TBC1D14: variants seen among roughly 807,000 people sequenced by gnomAD.
TBC1D14 encodes TBC1 domain family, member 14.
In TBC1D14, 26 loss-of-function variants were observed where a neutral mutation model predicts 79.0. That is an observed-to-expected ratio of 0.33 (90% CI 0.24 to 0.46). The LOEUF (loss-of-function observed/expected upper bound fraction) is 0.46. Ranked by LOEUF, TBC1D14 falls within the 20% of genes least tolerant of loss-of-function variation. The pLI, the probability that TBC1D14 is intolerant of heterozygous loss-of-function variation, is 1.00. For missense variants in TBC1D14, 769 were observed against 887.6 expected (o/e 0.87, Z 1.70); for synonymous variants, 394 against 349.9 (o/e 1.13, Z -1.40).
At chr4:6,911,771 C>G (rs1445838882) in intron 1 of TBC1D14, among the ~76,000 whole-genome samples, 1 of 152,214 alleles carries the variant, frequency 6.6e-6, no homozygotes, top group African/African-American at 2.4e-5. Context: ...TTGAATCTCT[C>G]TCTCCCGTTG....
chr4:6,945,198 G>A (rs930144395), intron 2 of TBC1D14, among the ~76,000 whole-genome samples: 4 of 152,148 alleles, frequency 2.6e-5, no homozygotes, highest in Non-Finnish European at 4.4e-5. Flanking sequence ...GAAATGGCCT[G>A]TATTTGCTGG....
chr4:6,988,885 CTTTTTTTTTTT>C (rs34268749), intron 3 of TBC1D14, among the ~76,000 whole-genome samples: 85 of 76,828 alleles, frequency 1.1e-3, no homozygotes, highest in African/African-American at 4.4e-3. Flanking sequence ...TTCTTTCTTT[CTTTTTTTTTTT>C]TTTTTTTTTT....
intron 3 of TBC1D14, among the ~76,000 whole-genome samples, chr4:6,992,627 G>C (rs1156504992): frequency 2.6e-5 from 4 of 152,224 alleles, no homozygotes; most frequent in African/African-American, 9.6e-5. Context: ...CATGGGGTAT[G>C]TGTTACTAAT....
chr4:6,954,351 T>C, intron 2 of TBC1D14: 1 of 715,192 alleles, frequency 1.4e-6, no homozygotes, highest in South Asian at 1.5e-5. Context: ...TTGTGGCTGC[T>C]TTCTTGCCTT....
intron 1 of TBC1D14, 99 bp from the exon 2 acceptor site, chr4:6,923,274 C>T (rs1724009362): frequency 7.4e-7 from 1 of 1,358,350 alleles, no homozygotes; most frequent in Non-Finnish European, 9.9e-7. Flanking sequence ...TCAAGGCTTT[C>T]TCCCTTAAGT....
intron 2 of TBC1D14, 84 bp downstream of exon 2, chr4:6,924,195 T>G: frequency 6.7e-7 from 1 of 1,481,764 alleles, no homozygotes. Flanking sequence ...GTGTTGTGTG[T>G]TCTCTGTGGT....
At position 7,032,390 on chromosome 4, in the gene TBC1D14, G is replaced by A. The variant is rs775961452; in HGVS notation, c.*1998G>A. The A allele has an allele frequency of 6.5e-6, 1 of 152,678 alleles. No homozygotes were observed. The highest frequency in any genetic ancestry group is 1.5e-5 in the Non-Finnish European group (1 of 68,042). 9.5% of individuals were successfully genotyped at this position (152,678 alleles called of 1,614,324 possible). A position where few individuals can be genotyped will look rare whatever the true frequency, so the allele number is the denominator to read the frequency against. ...GTCGTACAGAAGGTGGCGCGGCAAAGGGCCTCGTGCAGTGTGTTCAGATTG... is the reference window on the plus strand; with the variant it reads ...GTCGTACAGAAGGTGGCGCGGCAAAAGGCCTCGTGCAGTGTGTTCAGATTG... On this transcript the variant is annotated 3_prime_UTR_variant, in exon 14 of 14. Transcript: ENST00000409757.
intron 1 of TBC1D14, among the ~76,000 whole-genome samples, chr4:6,921,518 C>CT (rs1484246298): frequency 1.3e-5 from 2 of 151,818 alleles, no homozygotes; most frequent in Non-Finnish European, 2.9e-5. Context: ...GGCCAGAGAA[C>CT]TTTATTTTTT....
chr4:7,004,997 A>C lies in TBC1D14; in HGVS notation c.1351+73A>C, dbSNP rs1720033099. 8.0e-6 allele frequency: 11 copies of C among 1,373,036 alleles called. No homozygotes were observed. The South Asian group carries it at 1.3e-4, about 16-fold the overall frequency. The allele number at this position is 1,373,036 out of a possible 1,614,324, so 85.1% of individuals were successfully genotyped here. A position where few individuals can be genotyped will look rare whatever the true frequency, so the allele number is the denominator to read the frequency against. On this transcript the variant is annotated intron_variant, in intron 8 of 13. Coordinates refer to ENST00000409757, the MANE Select transcript of TBC1D14 (RefSeq NM_020773.3). ...GTCATTCTTTATTACATAGTGAAGA[A>C]AGTTGACGTTAACTACAGTAGAGAT...
intron 3 of TBC1D14, among the ~76,000 whole-genome samples, chr4:6,981,511 G>A (rs1717370428): frequency 6.6e-6 from 1 of 152,158 alleles, no homozygotes; most frequent in South Asian, 2.1e-4. Flanking sequence ...GACGGAGTAC[G>A]TACTTCCTCA....
chr4:6,923,447 G>A lies in TBC1D14; in HGVS notation c.58G>A (p.Asp20Asn). The A allele has an allele frequency of 6.2e-7, 1 of 1,614,114 alleles. No individual in the cohort carries two copies. Among genetic ancestry groups the A allele is most frequent in the Non-Finnish European group, 8.5e-7 (1 of 1,180,026 alleles). Reference sequence around the variant, plus strand: ...TGGCGTAGCCTTCATGGGTATTCTGGATGGTCGACCAGGAAACCCCCTTCA... The same window carrying A: ...TGGCGTAGCCTTCATGGGTATTCTGAATGGTCGACCAGGAAACCCCCTTCA... ...TNGVAFMGIL[D>N]GRPGNPLQNL... Residue 20 changes from aspartate to asparagine, a missense_variant, in exon 2 of 14, where the codon GAT becomes AAT. By Grantham distance (23) the Asp-to-Asn change is conservative. Transcript: ENST00000409757.
chr4:6,986,757 G>T (rs1362416037), intron 3 of TBC1D14, among the ~76,000 whole-genome samples: 1 of 152,226 alleles, frequency 6.6e-6, no homozygotes, highest in Admixed American at 6.5e-5. Flanking sequence ...CATCTGAAGG[G>T]CGCTGTCCCG....
intron 12 of TBC1D14, among the ~76,000 whole-genome samples, chr4:7,015,273 C>G (rs1436367753): frequency 6.6e-6 from 1 of 151,842 alleles, no homozygotes. Context: ...AACAGAGAGA[C>G]CAATTAAGGG....
At position 7,011,959 on chromosome 4, in the gene TBC1D14, G is replaced by A. The variant is rs369711757; in HGVS notation, c.1647+1178G>A. On this transcript the variant is annotated intron_variant, in intron 11 of 13. Transcript: ENST00000409757. ...AGTATTTCTTCCTTGATATCTTAAGGTTTACTGAGTATGTCTTGCTCAGAT... is the reference window on the plus strand; with the variant it reads ...AGTATTTCTTCCTTGATATCTTAAGATTTACTGAGTATGTCTTGCTCAGAT... 5.3e-4 allele frequency among the ~76,000 whole-genome samples: 80 copies of A among 152,022 alleles called. No individual in the cohort carries two copies. In the East Asian group the frequency reaches 5.6e-3, roughly 11 times the overall value.
At chr4:6,929,631 CCA>C (rs1711546686) in intron 2 of TBC1D14, among the ~76,000 whole-genome samples, 1 of 152,088 alleles carries the variant, frequency 6.6e-6, no homozygotes, top group Admixed American at 6.5e-5. Context: ...GGAGGGGAGA[CCA>C]CAGAGATGGT....
In TBC1D14 at chr4:7,025,012, C is replaced by T. The variant is rs780311264; in HGVS notation, c.1766C>T (p.Thr589Ile). The stretch of plus-strand genomic sequence containing the variant: ...CAACTTTTACCCCCTAGGATCTTTA[C>T]CTTATATAGTAAATCTCTGCCCCTC... ...PDIYLIDWIF[T>I]LYSKSLPLDL... Residue 589 changes from threonine (T) to isoleucine (I), a missense_variant, in exon 13 of 14, where the codon ACC becomes ATC. Transcript: ENST00000409757. The T allele has an allele frequency of 3.0e-5, 48 of 1,614,032 alleles. No homozygotes were observed. Among genetic ancestry groups the T allele is most frequent in the Non-Finnish European group, 3.9e-5 (46 of 1,180,038 alleles).
intron 12 of TBC1D14, among the ~76,000 whole-genome samples, chr4:7,020,886 GTCC>G (rs1206896079): frequency 6.6e-6 from 1 of 152,108 alleles, no homozygotes; most frequent in East Asian, 1.9e-4. Flanking sequence ...TATTTGTACT[GTCC>G]TCCTCTGTAA....
intron 3 of TBC1D14, among the ~76,000 whole-genome samples, chr4:6,969,712 G>GT (rs772077660): frequency 1.0e-3 from 147 of 146,750 alleles, no homozygotes; most frequent in Middle Eastern, 3.5e-3. Context: ...GCCCGACCCT[G>GT]TTTTTTTTTT....
chr4:7,007,524 G>T, intron 9 of TBC1D14: 1 of 1,289,228 alleles, frequency 7.8e-7, no homozygotes, highest in Non-Finnish European at 1.0e-6. Flanking sequence ...CTTTACTCAG[G>T]TTCTCATCTT....
Sources: gnomAD v4.1 joint callset for allele counts (sites outside exome capture counted in the v4.1 genomes callset) on GRCh38, gnomAD v4.1.1 for gene constraint, MANE v1.5 for transcripts, NCBI Gene and HGNC (gene_info 2026-07-23, HGNC 2026-07-21) for gene names.